Variants in PLA2R1 observed in about 807,000 individuals in gnomAD.
PLA2R1 encodes secretory phospholipase A2 receptor.
PLA2R1 carries 158 observed loss-of-function variants against 195.9 expected under a neutral mutation model. The observed-to-expected ratio is 0.81, with a 90% CI of 0.71 to 0.92. PLA2R1 has a LOEUF of 0.92. Ranked by LOEUF, PLA2R1 falls within the 40% of genes least tolerant of loss-of-function variation. The pLI, the probability that PLA2R1 is intolerant of heterozygous loss-of-function variation, is 0.00. For synonymous variants in PLA2R1, 586 were observed against 598.2 expected (o/e 0.98, Z 0.30); for missense variants, 1,626 against 1,764.6 (o/e 0.92, Z 1.41).
At chr2:159,957,693 C>T (rs993630367) in intron 20 of PLA2R1, among the ~76,000 whole-genome samples, 2 of 152,108 alleles carry the variant, frequency 1.3e-5, no homozygotes, top group Non-Finnish European at 2.9e-5. Context: ...TGGAATGATA[C>T]ATACTTGGCA....
chr2:159,947,562 G>A lies in PLA2R1; in HGVS notation c.3710-3C>T. On this transcript the variant is annotated splice_polypyrimidine_tract_variant and splice_region_variant and intron_variant, in intron 25 of 29. Transcript: ENST00000283243. ...TGGGTGTTCAGATTGTCTTGTTTCT[G>A]TGAAGAAAAGCCAGTTATGATTTCA... The A allele has an allele frequency of 6.2e-7, 1 of 1,612,420 alleles. No individual in the cohort carries two copies. Among genetic ancestry groups the A allele is most frequent in the African/African-American group, 1.3e-5 (1 of 74,960 alleles).
intron 11 of PLA2R1, among the ~76,000 whole-genome samples, chr2:159,996,213 T>A (rs1034272212): frequency 6.6e-6 from 1 of 152,094 alleles, no homozygotes; most frequent in Non-Finnish European, 1.5e-5. Context: ...GCAAGGTAGG[T>A]CTACTAGCAA....
rs1425761536 is a variant in PLA2R1, at chr2:159,939,424, C to G, written c.*2354G>C. 1 of 147,836 alleles carries G rather than the reference C, an allele frequency of 6.8e-6. No individual in the cohort carries two copies. The highest frequency in any genetic ancestry group is 2.5e-5 in the African/African-American group (1 of 40,088). 9.2% of individuals were successfully genotyped at this position (147,836 alleles called of 1,614,324 possible). A position where few individuals can be genotyped will look rare whatever the true frequency, so the allele number is the denominator to read the frequency against. On this transcript the variant is annotated 3_prime_UTR_variant, in exon 30 of 30. Coordinates refer to ENST00000283243, the MANE Select transcript of PLA2R1 (RefSeq NM_007366.5). Reference sequence around the variant, plus strand: ...GGGAGGCTGAGGCAGGAAACTTGCTCGAACCAGGCAGTTGAAGGTTGCAGT... The same window carrying G: ...GGGAGGCTGAGGCAGGAAACTTGCTGGAACCAGGCAGTTGAAGGTTGCAGT...
chr2:160,028,313 G>A lies in PLA2R1; in HGVS notation c.1004C>T (p.Ser335Leu). 2 of 1,607,858 alleles carry A rather than the reference G, an allele frequency of 1.2e-6. No homozygotes were observed. Among genetic ancestry groups the A allele is most frequent in the Non-Finnish European group, 1.7e-6 (2 of 1,175,104 alleles). Residue 335 changes from serine (S) to leucine (L), a missense_variant, in exon 6 of 30, where the codon TCA (serine) becomes TTA (leucine). Coordinates refer to ENST00000283243, the MANE Select transcript of PLA2R1 (RefSeq NM_007366.5). ...FVEDHCGTFS[S>L]FMPSAWRSRD... ...ACTCCTCCAGGCACTTGGCATAAAT[G>A]AACTAAATGTTCCACAGTGATCTTC...
rs774769426 is a variant in PLA2R1, at chr2:159,941,796, A to G, written c.4374T>C (p.Leu1458=). 8.8e-6 allele frequency: 14 copies of G among 1,597,170 alleles called. No individual in the cohort carries two copies. The highest frequency in any genetic ancestry group is 6.7e-5 in the African/African-American group (5 of 74,610). Reference sequence around the variant, plus strand: ...CTCATTATTATTGGTCACTCTTCTCAAGATCAGAAATGAGAATATTTTCTT... The same window carrying G: ...CTCATTATTATTGGTCACTCTTCTCGAGATCAGAAATGAGAATATTTTCTT... ...YLEENILISD[L]EKSDQ The change falls in exon 30 of 30, where the codon CTT becomes CTC. Residue 1458 remains leucine, a synonymous_variant. Coordinates refer to ENST00000283243, the MANE Select transcript of PLA2R1 (RefSeq NM_007366.5).
intron 6 of PLA2R1, among the ~76,000 whole-genome samples, chr2:160,024,519 A>T (rs1318286276): frequency 1.3e-5 from 2 of 152,100 alleles, no homozygotes; most frequent in Admixed American, 1.3e-4. Context: ...TGCCCAAAAC[A>T]GTCACACCCC....
the PLA2R1 span, among the ~76,000 whole-genome samples, chr2:159,924,819 G>A: frequency 0.21 from 32,400 of 151,820 alleles, 4,020 homozygotes; most frequent in Admixed American, 0.36. Context: ...TCGCTCCCAG[G>A]AAAAATCTGT....
At chr2:160,013,665 ACC>A (rs1692515199) in intron 9 of PLA2R1, among the ~76,000 whole-genome samples, 2 of 109,772 alleles carry the variant, frequency 1.8e-5, no homozygotes, top group Non-Finnish European at 4.0e-5. Flanking sequence ...CAAGATCTCT[ACC>A]TCTCTCTTTC....
chr2:159,966,053 T>A (rs938572577), intron 20 of PLA2R1, among the ~76,000 whole-genome samples: 1 of 152,182 alleles, frequency 6.6e-6, no homozygotes, highest in African/African-American at 2.4e-5. Context: ...TTCTCATATG[T>A]AAAATGAGGA....
downstream of PLA2R1, among the ~76,000 whole-genome samples, chr2:159,929,821 A>G (rs184415661): frequency 6.6e-6 from 1 of 151,570 alleles, no homozygotes; most frequent in East Asian, 1.9e-4. Flanking sequence ...ATGTATATGT[A>G]TATATATGTG....
chr2:160,022,644 C>T (rs896542730), intron 7 of PLA2R1, 21 bp downstream of exon 7: 6 of 1,477,110 alleles, frequency 4.1e-6, no homozygotes, highest in Non-Finnish European at 5.5e-6. Flanking sequence ...GCCTTTTAAA[C>T]CAAAGGCAGC....
intron 28 of PLA2R1, 82 bp from the exon 29 acceptor site, chr2:159,942,241 A>G: frequency 9.8e-7 from 1 of 1,017,284 alleles, no homozygotes; most frequent in Non-Finnish European, 1.5e-6. Flanking sequence ...GGGATCAGCA[A>G]ACTATGGCCC....
chr2:160,038,160 TGAGA>T (rs1370305744), intron 3 of PLA2R1, among the ~76,000 whole-genome samples: 2 of 152,064 alleles, frequency 1.3e-5, no homozygotes, highest in Non-Finnish European at 2.9e-5. Flanking sequence ...ATTTAGAGGA[TGAGA>T]GAGAGAGGTG....
chr2:159,966,562 A>T (rs1688804894), intron 20 of PLA2R1, among the ~76,000 whole-genome samples: 1 of 152,216 alleles, frequency 6.6e-6, no homozygotes, highest in African/African-American at 2.4e-5. Flanking sequence ...ATATTAAAAA[A>T]ATTTAAAAGT....
In PLA2R1 at chr2:160,016,668, G is replaced by A; in HGVS notation, c.1497C>T (p.Tyr499=). The A allele has an allele frequency of 6.2e-7, 1 of 1,609,518 alleles. No individual in the cohort carries two copies. Among genetic ancestry groups the A allele is most frequent in the Non-Finnish European group, 8.5e-7 (1 of 1,175,880 alleles). Residue 499 remains tyrosine (Y), a synonymous_variant, in exon 9 of 30, where the codon TAC becomes TAT. Coordinates refer to ENST00000283243, the MANE Select transcript of PLA2R1 (RefSeq NM_007366.5). ...KVKNCEERLF[Y]ICKKAGHVLS... ...GGACATGGCCTGCTTTTTTACAAAT[G>A]TAAAAAAGTCTTTCTTCACAATTTT... is the stretch of plus-strand genomic sequence containing the variant.
At chr2:160,047,509 A>G (rs1343388918) in intron 1 of PLA2R1, among the ~76,000 whole-genome samples, 1 of 152,204 alleles carries the variant, frequency 6.6e-6, no homozygotes, top group Non-Finnish European at 1.5e-5. Flanking sequence ...TGCAGCACAC[A>G]GTGGGTGCAG....
rs200436825 is a variant in PLA2R1 at position 159,944,996 on chromosome 2, G to A, written c.4054C>T (p.His1352Tyr). The change falls in exon 28 of 30, where the codon CAT becomes TAT. Residue 1352 changes from histidine to tyrosine, a missense_variant. Physicochemically the swap from His to Tyr is moderately conservative, Grantham distance 83. Coordinates refer to ENST00000283243, the MANE Select transcript of PLA2R1 (RefSeq NM_007366.5). Reference sequence around the variant, plus strand: ...GGGATCCTCAAGGCAACACAATGATGGGGCTTGAAGTAGTCTGTGTCTGGC... The same window carrying A: ...GGGATCCTCAAGGCAACACAATGATAGGGCTTGAAGTAGTCTGTGTCTGGC... Reference protein sequence around the residue: ...RKPDTDYFKPHHCVALRIPEG... With the variant: ...RKPDTDYFKPYHCVALRIPEG... 2.7e-5 allele frequency: 44 copies of A among 1,613,492 alleles called. No individual in the cohort carries two copies. The East Asian group carries it at 9.1e-4, about 34-fold the overall frequency.
rs748354695 is a variant in PLA2R1, at chr2:159,977,315, G to C, written c.2370C>G (p.Ser790=). 3 of 1,612,360 alleles carry C rather than the reference G, an allele frequency of 1.9e-6. No homozygotes were observed. ...NKTLLPLHCG[S]KREWICKIPR... is the part of the protein sequence containing the mutation. ...GGATTTTGCATATCCATTCACGTTT[G>C]GAACCACAGTGTAAGGGCAGCAATG... Residue 790 remains serine (S), a synonymous_variant, in exon 15 of 30, where the codon TCC becomes TCG. Transcript: ENST00000283243.
chr2:160,003,658 G>T (rs1042046148), intron 11 of PLA2R1, among the ~76,000 whole-genome samples: 9 of 152,168 alleles, frequency 5.9e-5, no homozygotes, highest in Non-Finnish European at 1.3e-4. Flanking sequence ...TGACAAAAAT[G>T]TGGGAAAGCT....
Sources: allele counts gnomAD v4.1 joint callset (sites outside exome capture counted in the v4.1 genomes callset), GRCh38; gene constraint gnomAD v4.1.1; transcripts MANE v1.5; gene names NCBI Gene and HGNC (gene_info 2026-07-23, HGNC 2026-07-21).